Variants in PICK1 observed in about 807,000 individuals in gnomAD.
PICK1 encodes PRKCA-binding protein.
A neutral mutation model predicts 48.9 loss-of-function variants in PICK1; 23 were observed. The ratio of observed to expected loss-of-function variants is 0.47; its 90% CI spans 0.34 to 0.67. The LOEUF is 0.67. Among genes scored for constraint, PICK1 ranks in the 30% least tolerant of loss-of-function variants. The probability of loss-of-function intolerance (pLI) is 0.01; values close to 1 mark genes in which losing one functional copy is unlikely to be tolerated. For missense variants in PICK1, 423 were observed against 557.1 expected, an observed-to-expected ratio of 0.76 and a Z score of 2.42; for synonymous variants, 217 against 228.2, an observed-to-expected ratio of 0.95 and a Z score of 0.44.
chr22:38,062,395 G>A (rs1270099867), intron 3 of PICK1, among the ~76,000 whole-genome samples: 1 of 152,002 alleles, frequency 6.6e-6, no homozygotes, highest in Admixed American at 6.6e-5. Context: ...TTACAGGCAC[G>A]TGCCACCACG....
At chr22:38,069,343 C>T (rs1478725971) in intron 6 of PICK1, among the ~76,000 whole-genome samples, 3 of 152,198 alleles carry the variant, frequency 2.0e-5, no homozygotes, top group Non-Finnish European at 4.4e-5. Flanking sequence ...CAGTGCCCCT[C>T]AGGTCACAGA....
At chr22:38,063,245 C>T (rs1371984294) in intron 3 of PICK1, among the ~76,000 whole-genome samples, 3 of 151,892 alleles carry the variant, frequency 2.0e-5, no homozygotes, top group African/African-American at 7.3e-5. Context: ...CAGCCTCAAC[C>T]TCCTGGGCTC....
In PICK1 at chr22:38,074,007, A is replaced by C; in HGVS notation, c.834+184A>C. The C allele has an allele frequency of 1.5e-6, 1 of 667,360 alleles. No individual in the cohort carries two copies. The highest frequency in any genetic ancestry group is 1.8e-5 in the South Asian group (1 of 55,746). The allele number at this position is 667,360 out of a possible 1,614,324, so 41.3% of individuals were successfully genotyped here. On this transcript the variant is annotated intron_variant, in intron 11 of 12. Coordinates refer to ENST00000356976, the MANE Select transcript of PICK1 (RefSeq NM_012407.4). The surrounding 1 kb of genome is among the most constrained non-coding windows in gnomAD (Gnocchi z 4.5). ...CGGGGTGCTGGGCACCCGGCCGGGA[A>C]CCACTCCCTCAGTCTGGGGGACTCT...
In PICK1 at chr22:38,074,596, G is replaced by A; in HGVS notation, c.979+145G>A. ...CATCTGCCCAGAGCCTGGCCTGGGT[G>A]GAGCTGGCCTGTGCGCGTGGGCTCC... is the stretch of plus-strand genomic sequence containing the variant. On this transcript the variant is annotated intron_variant, in intron 12 of 12. Transcript: ENST00000356976. The surrounding 1 kb of genome is among the most constrained non-coding windows in gnomAD (Gnocchi z 4.5). The A allele has an allele frequency of 1.6e-6, 2 of 1,220,930 alleles. No individual in the cohort carries two copies. Among genetic ancestry groups the A allele is most frequent in the Non-Finnish European group, 2.4e-6 (2 of 850,412 alleles). The allele number at this position is 1,220,930 out of a possible 1,614,324, so 75.6% of individuals were successfully genotyped here. A position where few individuals can be genotyped will look rare whatever the true frequency, so the allele number is the denominator to read the frequency against.
rs2085743880 is a variant in PICK1, at chr22:38,073,122, G to A, written c.783+30G>A. 7.0e-7 allele frequency: 1 copy of A among 1,438,458 alleles called. No individual in the cohort carries two copies. The highest frequency in any genetic ancestry group is 1.7e-5 in the Admixed American group (1 of 59,826). The allele number at this position is 1,438,458 out of a possible 1,614,324, so 89.1% of individuals were successfully genotyped here. Reference sequence around the variant, plus strand: ...GTAGTCCAGGTGCCCAGGCTGCTAGGGCAAGCGCCCACCCTGGAGATCTGC... The same window carrying A: ...GTAGTCCAGGTGCCCAGGCTGCTAGAGCAAGCGCCCACCCTGGAGATCTGC... On this transcript the variant is annotated intron_variant, in intron 10 of 12. Transcript: ENST00000356976. The surrounding 1 kb of genome is among the most constrained non-coding windows in gnomAD (Gnocchi z 5.7).
chr22:38,064,157 A>C (rs1294959626), intron 3 of PICK1, among the ~76,000 whole-genome samples: 1 of 151,918 alleles, frequency 6.6e-6, no homozygotes, highest in African/African-American at 2.4e-5. Context: ...TCCCAGGTTC[A>C]AGCGATTCTC....
rs988519757 is a variant in PICK1 at position 38,066,925 on chromosome 22, G to T, written c.283-779G>T. On this transcript the variant is annotated intron_variant, in intron 4 of 12. Coordinates refer to ENST00000356976, the MANE Select transcript of PICK1 (RefSeq NM_012407.4). The surrounding 1 kb of genome is among the most constrained non-coding windows in gnomAD (Gnocchi z 4.1). ...TAATTCCCTGATTCGCATCAGCCTT[G>T]CGGGGCTGGGGCTGCCCCTGCCCCT... Among the ~76,000 whole-genome samples the T allele has an allele frequency of 6.6e-6, 1 of 152,164 alleles. No homozygotes were observed. Among genetic ancestry groups the T allele is most frequent in the African/African-American group, 2.4e-5 (1 of 41,434 alleles).
Position 38,074,580 on chromosome 22 carries a change from A to C in PICK1, c.979+129A>C. ...CCTCCAGGAGCCCAGCCATCTGCCC[A>C]GAGCCTGGCCTGGGTGGAGCTGGCC... is the stretch of plus-strand genomic sequence containing the variant. On this transcript the variant is annotated intron_variant, in intron 12 of 12. Transcript: ENST00000356976. This position sits in a 1 kb window ranked among gnomAD's most constrained non-coding sequence, Gnocchi z 4.5. 7.5e-7 allele frequency: 1 copy of C among 1,340,350 alleles called. No homozygotes were observed. The highest frequency in any genetic ancestry group is 1.0e-6 in the Non-Finnish European group (1 of 956,658). The allele number at this position is 1,340,350 out of a possible 1,614,324, so 83.0% of individuals were successfully genotyped here.
At chr22:38,061,877 G>C (rs1464645895) in intron 3 of PICK1, among the ~76,000 whole-genome samples, 1 of 152,276 alleles carries the variant, frequency 6.6e-6, no homozygotes, top group African/African-American at 2.4e-5. Context: ...TGCCTCGTCT[G>C]GTAGATGAGA....
Position 38,070,691 on chromosome 22 carries a change from C to T in PICK1, c.440-147C>T, listed in dbSNP as rs527439001. The T allele has an allele frequency of 4.0e-4, 292 of 725,340 alleles. 1 individual carries two copies. The highest frequency in any genetic ancestry group is 5.3e-4 in the Non-Finnish European group (212 of 399,558). 44.9% of individuals were successfully genotyped at this position (725,340 alleles called of 1,614,324 possible). On this transcript the variant is annotated intron_variant, in intron 6 of 12. Transcript: ENST00000356976. ...AAAACACCTTTGAACCCAGCTGACC[C>T]GAGCTGCCAAATCCCCCTCCCTGGG...
At chr22:38,061,340 C>A (rs2085396725) in intron 3 of PICK1, among the ~76,000 whole-genome samples, 1 of 115,588 alleles carries the variant, frequency 8.7e-6, no homozygotes, top group Non-Finnish European at 1.8e-5. Context: ...GACTCCGTCT[C>A]AAAAATAATA....
chr22:38,060,360 A>G (rs567358153), intron 3 of PICK1, among the ~76,000 whole-genome samples: 1 of 152,334 alleles, frequency 6.6e-6, no homozygotes, highest in African/African-American at 2.4e-5. Flanking sequence ...TATTCTGTCC[A>G]CTGTAACTCA....
chr22:38,068,934 G>A (rs2085601735), intron 5 of PICK1, 99 bp from the exon 6 acceptor site: 8 of 965,296 alleles, frequency 8.3e-6, no homozygotes, highest in South Asian at 6.9e-5. Context: ...CAGCCCTTCT[G>A]CCCCCTGTGG....
chr22:38,073,119 TA>T lies in PICK1; in HGVS notation c.783+28del. The T allele has an allele frequency of 1.4e-6, 2 of 1,464,670 alleles. No individual in the cohort carries two copies. The highest frequency in any genetic ancestry group is 1.9e-6 in the Non-Finnish European group (2 of 1,044,114). The allele number at this position is 1,464,670 out of a possible 1,614,324, so 90.7% of individuals were successfully genotyped here. On this transcript the variant is annotated intron_variant, in intron 10 of 12. Transcript: ENST00000356976. This position sits in a 1 kb window ranked among gnomAD's most constrained non-coding sequence, Gnocchi z 5.7. ...TGAGTAGTCCAGGTGCCCAGGCTGCTAGGGCAAGCGCCCACCCTGGAGATCT... is the reference window on the plus strand; with the variant it reads ...TGAGTAGTCCAGGTGCCCAGGCTGCTGGGCAAGCGCCCACCCTGGAGATCT...
intron 8 of PICK1, 104 bp downstream of exon 8, chr22:38,071,848 C>T: frequency 1.0e-6 from 1 of 981,296 alleles, no homozygotes; most frequent in Non-Finnish European, 1.6e-6. Flanking sequence ...CCTCAGGCTC[C>T]CTCTGGGCTG....
At chr22:38,065,156 C>G (rs753571527) in intron 4 of PICK1, 26 bp downstream of exon 4, 1 of 1,607,406 alleles carries the variant, frequency 6.2e-7, no homozygotes, top group African/African-American at 1.3e-5. Context: ...GAGCAGGTGT[C>G]CAGAGGCAGC....
At chr22:38,068,008 C>T in intron 5 of PICK1, 1 of 633,230 alleles carries the variant, frequency 1.6e-6, no homozygotes, top group Admixed American at 2.1e-5. Flanking sequence ...CCGCGTTTCA[C>T]CCCTACCTCC....
rs1180132379 is a variant in PICK1 at position 38,073,171 on chromosome 22, G to A, written c.783+79G>A. ...GCCCCACTTCAGTCAGCCATGCTGCGGCCAGCGAGGCCAGCCAGAGCTGAC... is the reference window on the plus strand; with the variant it reads ...GCCCCACTTCAGTCAGCCATGCTGCAGCCAGCGAGGCCAGCCAGAGCTGAC... On this transcript the variant is annotated intron_variant, in intron 10 of 12. Transcript: ENST00000356976. This position sits in a 1 kb window ranked among gnomAD's most constrained non-coding sequence, Gnocchi z 5.7. The A allele has an allele frequency of 2.6e-5, 24 of 924,034 alleles. No individual in the cohort carries two copies. Among genetic ancestry groups the A allele is most frequent in the Non-Finnish European group, 3.8e-5 (21 of 555,520 alleles). 57.2% of individuals were successfully genotyped at this position (924,034 alleles called of 1,614,324 possible).
At chr22:38,065,173 T>A in intron 4 of PICK1, 43 bp downstream of exon 4, 1 of 1,595,152 alleles carries the variant, frequency 6.3e-7, no homozygotes, top group Non-Finnish European at 8.5e-7. Context: ...CAGCAACACA[T>A]GTTTCTGAGA....
Sources: gnomAD v4.1 joint callset for allele counts (sites outside exome capture counted in the v4.1 genomes callset) on GRCh38, gnomAD v4.1.1 for gene constraint, Gnocchi (gnomAD v3.1) non-coding constraint, MANE v1.5 for transcripts, NCBI Gene and HGNC (gene_info 2026-07-23, HGNC 2026-07-21) for gene names.